Variants in ACSS3 observed in about 807,000 individuals in gnomAD.
ACSS3 encodes acyl-CoA synthetase short chain family member 3.
In ACSS3, 64 loss-of-function variants were observed where a neutral mutation model predicts 84.2. The ratio of observed to expected loss-of-function variants is 0.76; its 90% CI spans 0.62 to 0.94. The LOEUF is 0.94. Among genes scored for constraint, ACSS3 ranks in the 40% least tolerant of loss-of-function variants. The pLI is 0.00. For missense variants in ACSS3, 815 were observed against 867.6 expected, an observed-to-expected ratio of 0.94 and a Z score of 0.76; for synonymous variants, 317 against 310.1, an observed-to-expected ratio of 1.02 and a Z score of -0.23.
chr12:81,096,980 T>C (rs1882108737), intron 1 of ACSS3, among the ~76,000 whole-genome samples: 1 of 152,230 alleles, frequency 6.6e-6, no homozygotes, highest in African/African-American at 2.4e-5. Context: ...TTAATTTAAT[T>C]AAACTTTAAA....
intron 8 of ACSS3, among the ~76,000 whole-genome samples, chr12:81,193,558 T>C (rs2135879685): frequency 6.6e-6 from 1 of 152,082 alleles, no homozygotes; most frequent in East Asian, 1.9e-4. Flanking sequence ...TTCTCTCCTC[T>C]CCTTTTTTTC....
At chr12:81,096,206 T>C (rs1337369098) in intron 1 of ACSS3, among the ~76,000 whole-genome samples, 2 of 152,238 alleles carry the variant, frequency 1.3e-5, no homozygotes, top group African/African-American at 4.8e-5. Context: ...ATTTACCTTA[T>C]AAGAGTCTTT....
At chr12:81,171,072 G>A (rs2030003545) in intron 7 of ACSS3, among the ~76,000 whole-genome samples, 1 of 152,024 alleles carries the variant, frequency 6.6e-6, no homozygotes, top group South Asian at 2.1e-4. Flanking sequence ...CAAATAGCTT[G>A]CAGCATATAT....
intron 2 of ACSS3, among the ~76,000 whole-genome samples, chr12:81,133,180 A>G (rs575208232): frequency 1.3e-4 from 19 of 152,000 alleles, no homozygotes; most frequent in African/African-American, 4.6e-4. Context: ...GTCCCCATCC[A>G]TACAGAGGAA....
chr12:81,186,995 T>G (rs2031298222), intron 8 of ACSS3, among the ~76,000 whole-genome samples: 1 of 151,744 alleles, frequency 6.6e-6, no homozygotes, highest in Admixed American at 6.6e-5. Flanking sequence ...GAAACTGTGG[T>G]ACATATATGC....
At chr12:81,178,288 G>T in intron 8 of ACSS3, among the ~76,000 whole-genome samples, 1 of 147,366 alleles carries the variant, frequency 6.8e-6, no homozygotes, top group Non-Finnish European at 1.5e-5. Context: ...CACAGGAAGG[G>T]GAACATCACA....
chr12:81,215,941 G>A (rs1363379603), intron 9 of ACSS3, among the ~76,000 whole-genome samples: 4 of 152,046 alleles, frequency 2.6e-5, no homozygotes, highest in African/African-American at 7.2e-5. Context: ...GAGAAAGTTC[G>A]TGGTTTTGAT....
chr12:81,153,264 C>T (rs1217726089), intron 7 of ACSS3, among the ~76,000 whole-genome samples: 2 of 151,896 alleles, frequency 1.3e-5, no homozygotes, highest in Non-Finnish European at 2.9e-5. Context: ...AAAAAATAGC[C>T]AGACCTGGTG....
At chr12:81,202,326 T>G (rs1280953112) in intron 9 of ACSS3, among the ~76,000 whole-genome samples, 1 of 151,826 alleles carries the variant, frequency 6.6e-6, no homozygotes, top group African/African-American at 2.4e-5. Flanking sequence ...AAAATAAAAT[T>G]TCAACCATTC....
intron 5 of ACSS3, chr12:81,151,583 A>G (rs1002292983): frequency 9.6e-6 from 3 of 311,140 alleles, no homozygotes; most frequent in Admixed American, 4.7e-5. Flanking sequence ...ATTTTGTGAA[A>G]TCATGTTTTC....
intron 9 of ACSS3, among the ~76,000 whole-genome samples, chr12:81,214,678 A>G (rs1389796133): frequency 2.0e-5 from 3 of 152,174 alleles, no homozygotes; most frequent in Non-Finnish European, 1.5e-5. Context: ...TTGCAGCTTT[A>G]TTTAAGACTA....
intron 5 of ACSS3, among the ~76,000 whole-genome samples, chr12:81,145,074 T>TC (rs1886273137): frequency 6.9e-6 from 1 of 144,288 alleles, no homozygotes; most frequent in South Asian, 2.2e-4. Flanking sequence ...CTAATTTTTT[T>TC]TTTTTTTTTT....
At chr12:81,226,339 C>G (rs775411260) in intron 11 of ACSS3, among the ~76,000 whole-genome samples, 2 of 150,264 alleles carry the variant, frequency 1.3e-5, no homozygotes, top group African/African-American at 4.9e-5. Flanking sequence ...GGAGTTTTTT[C>G]TTTGATATTT....
intron 13 of ACSS3, among the ~76,000 whole-genome samples, chr12:81,249,239 A>G (rs79738944): frequency 0.018 from 2,804 of 152,132 alleles, 78 homozygotes; most frequent in African/African-American, 0.064. Context: ...AGCTAATATG[A>G]TTGTTCTTGC....
intron 2 of ACSS3, among the ~76,000 whole-genome samples, chr12:81,122,156 C>G (rs779390833): frequency 4.6e-5 from 7 of 152,010 alleles, no homozygotes; most frequent in Non-Finnish European, 8.8e-5. Flanking sequence ...TGGTCTTGAT[C>G]TCCTGACCTC....
intron 11 of ACSS3, among the ~76,000 whole-genome samples, chr12:81,224,138 C>A (rs2033196630): frequency 6.6e-6 from 1 of 151,916 alleles, no homozygotes; most frequent in African/African-American, 2.4e-5. Context: ...CTCTGCTTGG[C>A]AGAATTGGGG....
chr12:81,219,713 TA>T (rs1212764631), intron 10 of ACSS3, among the ~76,000 whole-genome samples: 5 of 152,110 alleles, frequency 3.3e-5, no homozygotes, highest in Non-Finnish European at 7.4e-5. Context: ...ATGCTTCTAA[TA>T]GATTACAAGG....
At chr12:81,217,430 A>T (rs1387541263) in intron 10 of ACSS3, among the ~76,000 whole-genome samples, 2 of 152,180 alleles carry the variant, frequency 1.3e-5, no homozygotes, top group African/African-American at 4.8e-5. Context: ...GGACAATGCA[A>T]ACCATTGTCC....
chr12:81,097,039 A>G (rs868330887), intron 1 of ACSS3, among the ~76,000 whole-genome samples: 1 of 152,242 alleles, frequency 6.6e-6, no homozygotes, highest in East Asian at 1.9e-4. Flanking sequence ...GAGCACTCAT[A>G]TGATGGCTAC....
Sources: allele counts gnomAD v4.1 joint callset (sites outside exome capture counted in the v4.1 genomes callset), GRCh38; gene constraint gnomAD v4.1.1; transcripts MANE v1.5; gene names NCBI Gene and HGNC (gene_info 2026-07-23, HGNC 2026-07-21).